Variants in NKAIN3 observed in about 807,000 individuals in gnomAD.
The protein encoded by NKAIN3 is sodium/potassium transporting ATPase interacting 3.
NKAIN3 carries 25 observed loss-of-function variants against 30.2 expected under a neutral mutation model. That is an observed-to-expected ratio of 0.83 (90% CI 0.60 to 1.16). The LOEUF is 1.16. Among genes scored for constraint, NKAIN3 ranks in the 50% most tolerant of loss-of-function variants. The pLI is 0.00. For synonymous variants in NKAIN3, 91 were observed against 89.6 expected, an observed-to-expected ratio of 1.02 and a Z score of -0.09; for missense variants, 225 against 254.1, an observed-to-expected ratio of 0.89 and a Z score of 0.78.
chr8:62,904,149 C>G (rs1011514325), intron 4 of NKAIN3, among the ~76,000 whole-genome samples: 1 of 152,112 alleles, frequency 6.6e-6, no homozygotes, highest in Non-Finnish European at 1.5e-5. Context: ...TGTTTATCAT[C>G]CTGACTTAGG....
chr8:62,506,225 T>A (rs964686341), intron 1 of NKAIN3, among the ~76,000 whole-genome samples: 1 of 74,342 alleles, frequency 1.3e-5, no homozygotes, highest in African/African-American at 4.1e-5. Context: ...CATATGAGAA[T>A]ATTGGGGGGG....
At chr8:62,801,113 G>A (rs1453688765) in intron 4 of NKAIN3, among the ~76,000 whole-genome samples, 1 of 152,228 alleles carries the variant, frequency 6.6e-6, no homozygotes, top group East Asian at 1.9e-4. Context: ...AAGAAGCCGG[G>A]AAGCTCCAAC....
At chr8:62,804,456 T>A (rs1818197429) in intron 4 of NKAIN3, among the ~76,000 whole-genome samples, 3 of 152,296 alleles carry the variant, frequency 2.0e-5, no homozygotes, top group Middle Eastern at 3.4e-3. Flanking sequence ...TCCACCACGA[T>A]CAAGTGGACT....
chr8:62,695,762 CAG>C (rs1814133878), intron 3 of NKAIN3, among the ~76,000 whole-genome samples: 1 of 152,122 alleles, frequency 6.6e-6, no homozygotes, highest in African/African-American at 2.4e-5. Context: ...AAGCAGAACT[CAG>C]GGGAGAGTGA....
intron 1 of NKAIN3, among the ~76,000 whole-genome samples, chr8:62,403,151 T>C (rs1803943578): frequency 6.6e-6 from 1 of 152,196 alleles, no homozygotes; most frequent in Non-Finnish European, 1.5e-5. Context: ...GCCCTAAATA[T>C]TTGTGCAACT....
chr8:62,593,916 A>C (rs1444875236), intron 3 of NKAIN3, among the ~76,000 whole-genome samples: 2 of 151,962 alleles, frequency 1.3e-5, no homozygotes, highest in African/African-American at 2.4e-5. Context: ...TTAGGTGGGG[A>C]TCCTCAGTGG....
intron 1 of NKAIN3, among the ~76,000 whole-genome samples, chr8:62,523,046 A>G (rs992948608): frequency 1.3e-5 from 2 of 152,156 alleles, no homozygotes; most frequent in African/African-American, 4.8e-5. Flanking sequence ...CACCCAGAGC[A>G]ACGTCTAGTC....
At chr8:62,539,963 C>T (rs1808788692) in intron 1 of NKAIN3, among the ~76,000 whole-genome samples, 1 of 152,180 alleles carries the variant, frequency 6.6e-6, no homozygotes, top group Non-Finnish European at 1.5e-5. Flanking sequence ...TGCATTGCTT[C>T]ACCTTGTGTT....
At chr8:62,824,491 AACACACACACACACACACACAC>A (rs6150612) in intron 4 of NKAIN3, among the ~76,000 whole-genome samples, 1 of 148,612 alleles carries the variant, frequency 6.7e-6, no homozygotes, top group Non-Finnish European at 1.5e-5. Context: ...CCACCTCTTC[AACACACACACACACACACACAC>A]ACACACACAC....
chr8:62,466,123 G>A (rs1370577455), intron 1 of NKAIN3, among the ~76,000 whole-genome samples: 1 of 152,076 alleles, frequency 6.6e-6, no homozygotes, highest in Non-Finnish European at 1.5e-5. Context: ...AGTGAAAACA[G>A]GAGCTTTAAA....
intron 4 of NKAIN3, among the ~76,000 whole-genome samples, chr8:62,788,635 C>T (rs1045584364): frequency 3.9e-5 from 6 of 152,072 alleles, no homozygotes; most frequent in Non-Finnish European, 5.9e-5. Context: ...ATGGTATTGA[C>T]TAGGTTTTCT....
At chr8:62,530,602 G>A (rs1248709580) in intron 1 of NKAIN3, among the ~76,000 whole-genome samples, 1 of 151,776 alleles carries the variant, frequency 6.6e-6, no homozygotes, top group African/African-American at 2.4e-5. Flanking sequence ...GCATTTCCTG[G>A]TACATACGTA....
rs555048277 is a variant in NKAIN3 at position 62,545,032 on chromosome 8, G to A, written c.55-34507G>A. 3.3e-5 allele frequency among the ~76,000 whole-genome samples: 5 copies of A among 152,248 alleles called. No homozygotes were observed. In the East Asian group the frequency reaches 9.7e-4, roughly 29 times the overall value. On this transcript the variant is annotated intron_variant, in intron 1 of 6. Coordinates refer to ENST00000623646, the MANE Select transcript of NKAIN3 (RefSeq NM_001304533.3). ...CTTCAGCCTCATAGGCTGAGGAGGA[G>A]GAAGAAGAGGAGGAGTTGGTCTGGC...
chr8:62,913,731 GTCC>G (rs1821993966), intron 4 of NKAIN3, among the ~76,000 whole-genome samples: 1 of 152,132 alleles, frequency 6.6e-6, no homozygotes, highest in Non-Finnish European at 1.5e-5. Context: ...GTTGACAGGT[GTCC>G]TCCTCTTAGT....
At chr8:62,377,263 T>A (rs58313700) in intron 1 of NKAIN3, among the ~76,000 whole-genome samples, 21,003 of 152,092 alleles carry the variant, frequency 0.14, 1,707 homozygotes, top group East Asian at 0.4. Context: ...ACACACAGAG[T>A]TGCATAGTTT....
intron 3 of NKAIN3, among the ~76,000 whole-genome samples, chr8:62,625,100 T>A (rs1268415577): frequency 6.6e-6 from 1 of 152,124 alleles, no homozygotes; most frequent in East Asian, 1.9e-4. Context: ...ACTCTGGCTA[T>A]GATGCTTATT....
Position 62,667,547 on chromosome 8 carries a change from A to C in NKAIN3, c.273+77753A>C, listed in dbSNP as rs1813165156. Among the ~76,000 whole-genome samples the C allele has an allele frequency of 2.0e-5, 3 of 151,718 alleles. No individual in the cohort carries two copies. In the South Asian group the frequency reaches 6.2e-4, roughly 32 times the overall value. On this transcript the variant is annotated intron_variant, in intron 3 of 6. Coordinates refer to ENST00000623646, the MANE Select transcript of NKAIN3 (RefSeq NM_001304533.3). The stretch of plus-strand genomic sequence containing the variant: ...CCTATGCCCAGTTCATCCTCGATTC[A>C]AGACAACTCTACCTTCCAAATGTAT...
chr8:62,945,980 A>C (rs952661267), intron 5 of NKAIN3, among the ~76,000 whole-genome samples: 5 of 151,994 alleles, frequency 3.3e-5, no homozygotes, highest in Admixed American at 6.6e-5. Flanking sequence ...ATGTTGGTAA[A>C]CTCTGATATG....
intron 1 of NKAIN3, among the ~76,000 whole-genome samples, chr8:62,328,348 G>A (rs997851951): frequency 1.4e-4 from 21 of 152,168 alleles, no homozygotes; most frequent in African/African-American, 5.1e-4. Context: ...TAACGGACCT[G>A]CTATTTCAGG....
Sources: allele counts gnomAD v4.1 joint callset (sites outside exome capture counted in the v4.1 genomes callset), GRCh38; gene constraint gnomAD v4.1.1; transcripts MANE v1.5; gene names NCBI Gene and HGNC (gene_info 2026-07-23, HGNC 2026-07-21).